The following SDK1 variants were observed in gnomAD, a reference collection of about 807,000 sequenced individuals.
The protein encoded by SDK1 is protein sidekick-1.
In SDK1, 157 loss-of-function variants were observed where a neutral mutation model predicts 245.5. That is an observed-to-expected ratio of 0.64 (90% CI 0.56 to 0.73). The LOEUF is 0.73. Ranked by LOEUF, SDK1 falls within the 30% of genes least tolerant of loss-of-function variation. The pLI, the probability that SDK1 is intolerant of heterozygous loss-of-function variation, is 0.00. For synonymous variants in SDK1, 1,647 were observed against 1,278.5 expected (o/e 1.29, Z -6.15); for missense variants, 3,583 against 3,002.3 (o/e 1.19, Z -4.52).
chr7:3,335,864 C>G (rs751820118), intron 1 of SDK1, among the ~76,000 whole-genome samples: 3 of 150,590 alleles, frequency 2.0e-5, no homozygotes, highest in Non-Finnish European at 4.4e-5. Context: ...TCTCTCTACC[C>G]TCTTAGGACT....
chr7:4,139,930 C>T (rs946811385), intron 28 of SDK1, among the ~76,000 whole-genome samples: 3 of 152,086 alleles, frequency 2.0e-5, no homozygotes, highest in Non-Finnish European at 4.4e-5. Context: ...GGTAATGGGG[C>T]AGGGCCCCAG....
intron 35 of SDK1, among the ~76,000 whole-genome samples, chr7:4,200,734 T>A (rs1323214554): frequency 1.3e-5 from 2 of 152,136 alleles, no homozygotes; most frequent in Admixed American, 6.5e-5. Flanking sequence ...TGTTGCTGAG[T>A]CACAGCAGTG....
At chr7:3,861,972 G>A (rs1780704576) in intron 5 of SDK1, among the ~76,000 whole-genome samples, 2 of 152,176 alleles carry the variant, frequency 1.3e-5, no homozygotes, top group Admixed American at 6.5e-5. Context: ...AGACTCTAGT[G>A]ACCCTGCCTT....
rs139471814 is a variant in SDK1 at position 4,191,662 on chromosome 7, G to A, written c.5098+13076G>A. Among the ~76,000 whole-genome samples, 1,500 of 152,372 alleles carry A rather than the reference G, an allele frequency of 9.8e-3. 23 individuals carry two copies. Among genetic ancestry groups the A allele is most frequent in the African/African-American group, 0.034 (1,419 of 41,596 alleles). On this transcript the variant is annotated intron_variant, in intron 35 of 44. Transcript: ENST00000404826. ...CCCTTCAGCTGCTCCGCCAGGGAGAGGGAGGATCACCGGCCTGGGCCTTTG... is the reference window on the plus strand; with the variant it reads ...CCCTTCAGCTGCTCCGCCAGGGAGAAGGAGGATCACCGGCCTGGGCCTTTG...
chr7:4,101,356 C>T (rs1782527961), intron 22 of SDK1, among the ~76,000 whole-genome samples: 1 of 152,094 alleles, frequency 6.6e-6, no homozygotes, highest in South Asian at 2.1e-4. Context: ...ACCGTGTTAG[C>T]CAGGATGGTC....
At position 3,878,519 on chromosome 7, in the gene SDK1, AAAAAT is replaced by A. The variant is rs574554605; in HGVS notation, c.847+56947_847+56951del. Among the ~76,000 whole-genome samples the A allele has an allele frequency of 1.8e-3, 267 of 152,330 alleles. 1 individual carries two copies. The highest frequency in any genetic ancestry group is 6.8e-3 in the Middle Eastern group (2 of 294). ...GTGACAGAGCAAGACTCTGTCTCAAAAAAATAAAATAAAATGAAATAAATAAATAA... is the reference window on the plus strand; with the variant it reads ...GTGACAGAGCAAGACTCTGTCTCAAAAAAATAAAATGAAATAAATAAATAA... On this transcript the variant is annotated intron_variant, in intron 5 of 44. Transcript: ENST00000404826.
At chr7:3,649,326 A>G (rs540157722) in intron 4 of SDK1, among the ~76,000 whole-genome samples, 2 of 152,204 alleles carry the variant, frequency 1.3e-5, no homozygotes, top group South Asian at 2.1e-4. Flanking sequence ...CGCATTTTCA[A>G]AGTTCATAGA....
intron 20 of SDK1, among the ~76,000 whole-genome samples, chr7:4,073,389 G>A (rs1183448272): frequency 6.6e-6 from 1 of 152,132 alleles, no homozygotes; most frequent in Non-Finnish European, 1.5e-5. Flanking sequence ...CTATCCGTTT[G>A]GTTTTTGTTT....
intron 1 of SDK1, among the ~76,000 whole-genome samples, chr7:3,406,905 C>CT (rs1779069334): frequency 6.6e-6 from 1 of 151,828 alleles, no homozygotes; most frequent in Non-Finnish European, 1.5e-5. Flanking sequence ...TGTAAGCAGT[C>CT]TACTTTTTTA....
At chr7:4,052,318 G>A (rs112814471) in intron 19 of SDK1, among the ~76,000 whole-genome samples, 25 of 152,082 alleles carry the variant, frequency 1.6e-4, no homozygotes, top group African/African-American at 5.1e-4. Context: ...GCCAGCTGAC[G>A]CATCTGGAAA....
At chr7:3,538,384 C>A (rs116461053) in intron 1 of SDK1, among the ~76,000 whole-genome samples, 290 of 152,080 alleles carry the variant, frequency 1.9e-3, no homozygotes, top group African/African-American at 6.7e-3. Flanking sequence ...TTGAAAAAAT[C>A]AGTTCAGGTA....
chr7:4,236,367 G>A (rs1786169009), intron 41 of SDK1, among the ~76,000 whole-genome samples: 1 of 152,210 alleles, frequency 6.6e-6, no homozygotes, highest in African/African-American at 2.4e-5. Context: ...GAGACAGAAG[G>A]AAGAAGAGCG....
intron 7 of SDK1, chr7:3,952,231 C>G: frequency 2.8e-6 from 1 of 355,602 alleles, no homozygotes. Context: ...CTTTAGGCTG[C>G]TAAGCTTTTC....
chr7:3,742,920 G>A (rs1265685695), intron 4 of SDK1, among the ~76,000 whole-genome samples: 2 of 152,166 alleles, frequency 1.3e-5, no homozygotes, highest in African/African-American at 4.8e-5. Context: ...CAAACAAATA[G>A]CAAATTGTAC....
chr7:3,481,409 G>C (rs377431360), intron 1 of SDK1, among the ~76,000 whole-genome samples: 6 of 152,196 alleles, frequency 3.9e-5, no homozygotes, highest in African/African-American at 1.2e-4. Flanking sequence ...GTCAGTCAAG[G>C]ATGTGCCGAT....
intron 1 of SDK1, among the ~76,000 whole-genome samples, chr7:3,466,583 C>T (rs1233123662): frequency 6.6e-6 from 1 of 150,560 alleles, no homozygotes; most frequent in South Asian, 2.1e-4. Flanking sequence ...ACTCTTATCT[C>T]GATATGAGGA....
At chr7:3,583,920 G>T (rs1331223841) in intron 1 of SDK1, among the ~76,000 whole-genome samples, 3 of 152,160 alleles carry the variant, frequency 2.0e-5, no homozygotes, top group Non-Finnish European at 4.4e-5. Context: ...TGTTTGCTTG[G>T]AGTGAAGGTC....
chr7:3,915,319 TGG>T (rs894364109), intron 5 of SDK1, among the ~76,000 whole-genome samples: 1 of 152,146 alleles, frequency 6.6e-6, no homozygotes, highest in African/African-American at 2.4e-5. Flanking sequence ...TACCCTGATG[TGG>T]TTTGGCTGTG....
At chr7:3,729,265 G>C (rs1779104661) in intron 4 of SDK1, among the ~76,000 whole-genome samples, 1 of 152,146 alleles carries the variant, frequency 6.6e-6, no homozygotes, top group South Asian at 2.1e-4. Flanking sequence ...ATTCAGGTTT[G>C]GGACTATGAA....
Sources: gnomAD v4.1 joint callset for allele counts (sites outside exome capture counted in the v4.1 genomes callset) on GRCh38, gnomAD v4.1.1 for gene constraint, MANE v1.5 for transcripts, NCBI Gene and HGNC (gene_info 2026-07-23, HGNC 2026-07-21) for gene names.